Variants in CLIC5 observed in about 807,000 individuals in gnomAD.
CLIC5 encodes the protein CLIC family member 5, also known as chloride intracellular channel protein 5.
A neutral mutation model predicts 24.7 loss-of-function variants in CLIC5; 20 were observed. The ratio of observed to expected loss-of-function variants is 0.81; its 90% confidence interval spans 0.57 to 1.18. The LOEUF (loss-of-function observed/expected upper bound fraction) is 1.18. CLIC5 is among the 50% of genes most tolerant of loss of function. The probability of loss-of-function intolerance (pLI) is 0.00; values close to 1 mark genes in which losing one functional copy is unlikely to be tolerated. For missense variants in CLIC5, 341 were observed against 326.1 expected (o/e 1.05, Z -0.35); for synonymous variants, 159 against 135.6 (o/e 1.17, Z -1.20).
the CLIC5 span, among the ~76,000 whole-genome samples, chr6:46,113,744 G>A: frequency 6.6e-6 from 1 of 152,154 alleles, no homozygotes; most frequent in Non-Finnish European, 1.5e-5. Context: ...TGGAGACAGG[G>A]CCTTTAAAGA....
chr6:45,906,927 G>A (rs908338233), intron 5 of CLIC5, among the ~76,000 whole-genome samples: 1 of 152,214 alleles, frequency 6.6e-6, no homozygotes, highest in African/African-American at 2.4e-5. Flanking sequence ...TTCTGGTGAA[G>A]TCTTTAGGGT....
intron 5 of CLIC5, among the ~76,000 whole-genome samples, chr6:45,904,661 CCTA>C (rs1561920438): frequency 2.5e-3 from 6 of 2,372 alleles, no homozygotes; most frequent in Non-Finnish European, 4.4e-3. Context: ...TCCTTCCCTC[CCTA>C]CTCCCTTCCT....
At chr6:45,908,567 GT>G (rs1401554498) in intron 5 of CLIC5, among the ~76,000 whole-genome samples, 1 of 152,034 alleles carries the variant, frequency 6.6e-6, no homozygotes, top group African/African-American at 2.4e-5. Flanking sequence ...TTAATTTCAT[GT>G]AATTGTGTGA....
upstream of CLIC5, among the ~76,000 whole-genome samples, chr6:46,084,119 A>G (rs975811429): frequency 6.6e-6 from 1 of 151,422 alleles, no homozygotes; most frequent in East Asian, 1.9e-4. Context: ...TTTGTTTTCC[A>G]TTTGCTTGGT....
intron 1 of CLIC5, among the ~76,000 whole-genome samples, chr6:46,054,166 G>A (rs969452980): frequency 6.6e-6 from 1 of 152,078 alleles, no homozygotes; most frequent in Non-Finnish European, 1.5e-5. Context: ...ACGAGGGACC[G>A]ACTGGCATTC....
intron 4 of CLIC5, among the ~76,000 whole-genome samples, chr6:45,916,185 T>C (rs1345519176): frequency 1.3e-5 from 2 of 152,186 alleles, no homozygotes; most frequent in Non-Finnish European, 2.9e-5. Flanking sequence ...TGCCTGGAGG[T>C]TGGGCATAGT....
At chr6:46,100,838 G>A in the CLIC5 span, among the ~76,000 whole-genome samples, 48 of 152,194 alleles carry the variant, frequency 3.2e-4, no homozygotes, top group South Asian at 9.1e-3. Flanking sequence ...GCACACAGAG[G>A]GAACCACAGA....
chr6:45,929,717 C>T (rs1042788699), intron 4 of CLIC5, among the ~76,000 whole-genome samples: 1 of 152,200 alleles, frequency 6.6e-6, no homozygotes, highest in African/African-American at 2.4e-5. Flanking sequence ...CCGTGGGGCT[C>T]CCAGGCCTCT....
chr6:46,012,976 C>CTTATCA (rs1766858674), intron 1 of CLIC5, among the ~76,000 whole-genome samples: 2 of 152,196 alleles, frequency 1.3e-5, no homozygotes, highest in South Asian at 4.1e-4. Flanking sequence ...TTTCCTTCTT[C>CTTATCA]TTATCATTAT....
chr6:46,025,169 T>C (rs1767295947), intron 1 of CLIC5, among the ~76,000 whole-genome samples: 1 of 152,158 alleles, frequency 6.6e-6, no homozygotes, highest in Non-Finnish European at 1.5e-5. Flanking sequence ...CTCAGTTCCT[T>C]TACCTGTAAG....
chr6:45,901,610 A>C lies in CLIC5; in HGVS notation c.*1478T>G, dbSNP rs565564962. The C allele has an allele frequency of 2.6e-5, 4 of 151,928 alleles. No homozygotes were observed. Among genetic ancestry groups the C allele is most frequent in the Non-Finnish European group, 5.9e-5 (4 of 68,026 alleles). 9.4% of individuals were successfully genotyped at this position (151,928 alleles called of 1,614,324 possible). A position where few individuals can be genotyped will look rare whatever the true frequency, so the allele number is the denominator to read the frequency against. On this transcript the variant is annotated 3_prime_UTR_variant, in exon 6 of 6. Coordinates refer to ENST00000339561, the MANE Select transcript of CLIC5 (RefSeq NM_016929.5). Reference sequence around the variant, plus strand: ...GAAGGTAAGGGCCTGTGGCAAATGGATTTTCTCACCGGGCGTTCACTGGGA... The same window carrying C: ...GAAGGTAAGGGCCTGTGGCAAATGGCTTTTCTCACCGGGCGTTCACTGGGA...
the CLIC5 span, among the ~76,000 whole-genome samples, chr6:46,125,701 A>G: frequency 6.6e-6 from 1 of 152,278 alleles, no homozygotes; most frequent in African/African-American, 2.4e-5. Context: ...CACGTGCTCA[A>G]TGTCATCACG....
chr6:45,994,720 T>G (rs1447412879), intron 1 of CLIC5, among the ~76,000 whole-genome samples: 8 of 152,190 alleles, frequency 5.3e-5, no homozygotes, highest in Non-Finnish European at 1.2e-4. Flanking sequence ...AAGTCCACTG[T>G]GTACAGTGCC....
At chr6:46,114,765 C>G in the CLIC5 span, among the ~76,000 whole-genome samples, 4 of 152,140 alleles carry the variant, frequency 2.6e-5, no homozygotes, top group Non-Finnish European at 4.4e-5. Flanking sequence ...TATGGCAGTC[C>G]TAGCAAACTA....
At chr6:45,927,566 A>G (rs1763549984) in intron 4 of CLIC5, among the ~76,000 whole-genome samples, 1 of 152,194 alleles carries the variant, frequency 6.6e-6, no homozygotes, top group African/African-American at 2.4e-5. Context: ...CCCTTCTACC[A>G]GGGAGAACCA....
chr6:45,953,378 G>A (rs1008175818), intron 2 of CLIC5, among the ~76,000 whole-genome samples: 1 of 152,146 alleles, frequency 6.6e-6, no homozygotes, highest in African/African-American at 2.4e-5. Flanking sequence ...TGGGTTGACA[G>A]GTGTGCTTGT....
intron 4 of CLIC5, among the ~76,000 whole-genome samples, chr6:45,918,247 T>C (rs567780486): frequency 1.3e-5 from 2 of 152,340 alleles, no homozygotes; most frequent in South Asian, 2.1e-4. Flanking sequence ...TCCAGATTCA[T>C]TGAGGTTGAT....
At chr6:46,070,467 T>C (rs938434786) in intron 1 of CLIC5, among the ~76,000 whole-genome samples, 6 of 152,132 alleles carry the variant, frequency 3.9e-5, no homozygotes, top group Admixed American at 2.0e-4. Context: ...TGCAATCCCA[T>C]TTATGATTGC....
At chr6:45,993,194 A>G (rs1766004676) in intron 1 of CLIC5, among the ~76,000 whole-genome samples, 1 of 152,244 alleles carries the variant, frequency 6.6e-6, no homozygotes, top group Non-Finnish European at 1.5e-5. Flanking sequence ...ATATGAGCAG[A>G]AAACATCTAA....
Sources: allele counts gnomAD v4.1 joint callset (sites outside exome capture counted in the v4.1 genomes callset), GRCh38; gene constraint gnomAD v4.1.1; transcripts MANE v1.5; gene names NCBI Gene and HGNC (gene_info 2026-07-23, HGNC 2026-07-21).